TTBK1: variants seen among roughly 807,000 people sequenced by gnomAD.
TTBK1 encodes the protein tau tubulin kinase 1.
A neutral mutation model predicts 108.5 loss-of-function variants in TTBK1; 34 were observed. The observed-to-expected ratio is 0.31, with a 90% confidence interval of 0.24 to 0.42. The LOEUF (loss-of-function observed/expected upper bound fraction) is 0.42, where lower values mean the gene tolerates loss of function less well. Ranked by LOEUF, TTBK1 falls within the 10% of genes least tolerant of loss-of-function variation. The pLI, the probability that TTBK1 is intolerant of heterozygous loss-of-function variation, is 1.00. For synonymous variants in TTBK1, 809 were observed against 795.1 expected, an observed-to-expected ratio of 1.02 and a Z score of -0.29; for missense variants, 1,539 against 1,826.0, an observed-to-expected ratio of 0.84 and a Z score of 2.86.
chr6:43,255,748 C>T lies in TTBK1; in HGVS notation c.753C>T (p.Ile251=). 12 of 1,614,138 alleles carry T rather than the reference C, an allele frequency of 7.4e-6. No homozygotes were observed. Among genetic ancestry groups the T allele is most frequent in the Non-Finnish European group, 1.0e-5 (12 of 1,180,036 alleles). Residue 251 remains isoleucine, a synonymous_variant, in exon 9 of 15, where the codon ATC becomes ATT. Coordinates refer to ENST00000259750, the MANE Select transcript of TTBK1 (RefSeq NM_032538.3). ...KIKDKEQVGM[I]KEKYEHRMLL... ...GCCTCCAGGAACAGGTAGGGATGAT[C>T]AAGGAGAAGTATGAGCACCGGATGC... is the stretch of plus-strand genomic sequence containing the variant.
rs1293260821 is a variant in TTBK1 at position 43,243,990 on chromosome 6, T to C, written c.-55+282T>C. On this transcript the variant is annotated intron_variant, in intron 1 of 14. Coordinates refer to ENST00000259750, the MANE Select transcript of TTBK1 (RefSeq NM_032538.3). This position sits in a 1 kb window ranked among gnomAD's most constrained non-coding sequence, Gnocchi z 5.5. ...CTGTCCCCATGGCTTCACCCCTGGCTCTCCTGTCATCCCTGACGAATCATT... is the reference window on the plus strand; with the variant it reads ...CTGTCCCCATGGCTTCACCCCTGGCCCTCCTGTCATCCCTGACGAATCATT... Among the ~76,000 whole-genome samples, 1 of 152,024 alleles carries C rather than the reference T, an allele frequency of 6.6e-6. No homozygotes were observed. The highest frequency in any genetic ancestry group is 2.4e-5 in the African/African-American group (1 of 41,374).
intron 13 of TTBK1, chr6:43,272,652 C>T (rs732691): frequency 0.1 from 100,396 of 985,122 alleles, 5,389 homozygotes; most frequent in Non-Finnish European, 0.11. Context: ...ATTATCTTTT[C>T]GGGGTGGCTT....
At chr6:43,262,767 C>T (rs1340363018) in intron 12 of TTBK1, 22 bp from the exon 13 acceptor site, 1 of 1,523,604 alleles carries the variant, frequency 6.6e-7, no homozygotes, top group African/African-American at 1.4e-5. Context: ...GGTATTGAGC[C>T]CCGTGAGGGG....
In TTBK1 at chr6:43,259,813, G is replaced by A. The variant is rs1777490303; in HGVS notation, c.1424+107G>A. On this transcript the variant is annotated intron_variant, in intron 12 of 14. Coordinates refer to ENST00000259750, the MANE Select transcript of TTBK1 (RefSeq NM_032538.3). This position sits in a 1 kb window ranked among gnomAD's most constrained non-coding sequence, Gnocchi z 6.7. ...TGTGGCGGAGGTGGGCAGACCCTGG[G>A]AAGTGCTGAGAGGGTTATACTTGGG... The A allele has an allele frequency of 3.3e-6, 4 of 1,199,200 alleles. No individual in the cohort carries two copies. Among genetic ancestry groups the A allele is most frequent in the Non-Finnish European group, 4.6e-6 (4 of 874,724 alleles). 74.3% of individuals were successfully genotyped at this position (1,199,200 alleles called of 1,614,324 possible). A position where few individuals can be genotyped will look rare whatever the true frequency, so the allele number is the denominator to read the frequency against.
chr6:43,252,949 G>C, intron 3 of TTBK1, 63 bp downstream of exon 3: 1 of 1,581,058 alleles, frequency 6.3e-7, no homozygotes, highest in Non-Finnish European at 8.6e-7. Flanking sequence ...TAAGAGAGGT[G>C]ATAAGATCAG....
Position 43,257,868 on chromosome 6 carries a change from G to C in TTBK1, c.918G>C (p.Glu306Asp). Residue 306 changes from glutamate (E) to aspartate (D), a missense_variant, in exon 10 of 15, where the codon GAG (glutamate) becomes GAC (aspartate). Physicochemically the swap from Glu to Asp is conservative, Grantham distance 45. Coordinates refer to ENST00000259750, the MANE Select transcript of TTBK1 (RefSeq NM_032538.3). The surrounding 1 kb of genome is among the most constrained non-coding windows in gnomAD (Gnocchi z 4.5). ...AGGAGAGGGGCATTGCCGAGAATGA[G>C]GCCTTTGACTGGGAGAAGGCAGGCA... The part of the protein sequence containing the change: ...SMKERGIAEN[E>D]AFDWEKAGTD... The C allele has an allele frequency of 3.7e-6, 6 of 1,614,054 alleles. No individual in the cohort carries two copies. Among genetic ancestry groups the C allele is most frequent in the Non-Finnish European group, 5.1e-6 (6 of 1,180,016 alleles).
Position 43,269,910 on chromosome 6 carries a change from C to T in TTBK1, c.1986+6560C>T. 3 of 1,501,774 alleles carry T rather than the reference C, an allele frequency of 2.0e-6. No homozygotes were observed. Among genetic ancestry groups the T allele is most frequent in the Non-Finnish European group, 2.7e-6 (3 of 1,127,746 alleles). The allele number at this position is 1,501,774 out of a possible 1,614,324, so 93.0% of individuals were successfully genotyped here. ...CTCGGTGCTCCGCATCTCGCGGTCC[C>T]AGCTGCAGCAGGTGTGGGCCCGGTT... On this transcript the variant is annotated intron_variant, in intron 13 of 14. Coordinates refer to ENST00000259750, the MANE Select transcript of TTBK1 (RefSeq NM_032538.3). The surrounding 1 kb of genome is among the most constrained non-coding windows in gnomAD (Gnocchi z 4.8).
At position 43,255,728 on chromosome 6, in the gene TTBK1, C is replaced by T; in HGVS notation, c.736-3C>T. On this transcript the variant is annotated splice_polypyrimidine_tract_variant and splice_region_variant and intron_variant, in intron 8 of 14. Transcript: ENST00000259750. ...CCATCTCCCTGTGGCCTCTTGCCTC[C>T]AGGAACAGGTAGGGATGATCAAGGA... The T allele has an allele frequency of 3.1e-6, 5 of 1,614,126 alleles. No homozygotes were observed. Among genetic ancestry groups the T allele is most frequent in the Non-Finnish European group, 4.2e-6 (5 of 1,180,016 alleles).
At chr6:43,270,991 T>C (rs1477544862) in intron 13 of TTBK1, 27 of 985,474 alleles carry the variant, frequency 2.7e-5, no homozygotes, top group Non-Finnish European at 3.3e-5. Context: ...GATAGGGATC[T>C]GGACACTTGG....
chr6:43,260,219 G>T (rs1777501875), intron 12 of TTBK1, among the ~76,000 whole-genome samples: 2 of 152,224 alleles, frequency 1.3e-5, no homozygotes, highest in African/African-American at 4.8e-5. Context: ...GCATTGAGAA[G>T]CTAGGTGAGC....
chr6:43,285,413 C>T lies in TTBK1; in HGVS notation c.*37C>T, dbSNP rs968875569. 2 of 1,252,258 alleles carry T rather than the reference C, an allele frequency of 1.6e-6. No homozygotes were observed. Among genetic ancestry groups the T allele is most frequent in the Non-Finnish European group, 2.0e-6 (2 of 1,001,326 alleles). The allele number at this position is 1,252,258 out of a possible 1,614,324, so 77.6% of individuals were successfully genotyped here. A position where few individuals can be genotyped will look rare whatever the true frequency, so the allele number is the denominator to read the frequency against. On this transcript the variant is annotated 3_prime_UTR_variant, in exon 15 of 15. Transcript: ENST00000259750. The surrounding 1 kb of genome is among the most constrained non-coding windows in gnomAD (Gnocchi z 4.7). ...GCTCTCCGCGGTCCCCCACCCTCAC[C>T]CCGGCCCCCCACCCGCAGCCGGCCA...
At chr6:43,271,655 A>C in intron 13 of TTBK1, 1 of 985,384 alleles carries the variant, frequency 1.0e-6, no homozygotes, top group African/African-American at 1.7e-5. Context: ...CCTGGAGCCA[A>C]ACTGTCCACA....
chr6:43,263,149 C>A lies in TTBK1; in HGVS notation c.1785C>A (p.Pro595=). The change falls in exon 13 of 15, where the codon CCC becomes CCA. Residue 595 remains proline, a synonymous_variant. Transcript: ENST00000259750. This position sits in a 1 kb window ranked among gnomAD's most constrained non-coding sequence, Gnocchi z 4.7. ...TGGGGGCAGAGCCCACCGTCCGGCC[C>A]CGGGGACGCAGCATGCAGGCGCTGG... ...RRLGAEPTVR[P]RGRSMQALAE... The A allele has an allele frequency of 6.4e-7, 1 of 1,568,328 alleles. No homozygotes were observed. The highest frequency in any genetic ancestry group is 2.3e-5 in the East Asian group (1 of 43,012).
At position 43,268,864 on chromosome 6, in the gene TTBK1, T is replaced by C. The variant is rs75834236; in HGVS notation, c.1986+5514T>C. Among the ~76,000 whole-genome samples the C allele has an allele frequency of 4.4e-4, 67 of 152,334 alleles. 1 individual carries two copies. In the East Asian group the frequency reaches 0.012, roughly 27 times the overall value. On this transcript the variant is annotated intron_variant, in intron 13 of 14. Transcript: ENST00000259750. ...CCTTCCCTCATTTGGAAGAGTGATT[T>C]AAAATTAGATACTAAAATAGCTCAG... is the stretch of plus-strand genomic sequence containing the variant.
chr6:43,285,001 C>G lies in TTBK1; in HGVS notation c.3591C>G (p.Pro1197=). The change falls in exon 15 of 15, where the codon CCC becomes CCG. Residue 1197 remains proline (P), a synonymous_variant. Transcript: ENST00000259750. The surrounding 1 kb of genome is among the most constrained non-coding windows in gnomAD (Gnocchi z 4.7). ...CAAGCAGGCTCCAGCTGCAGACGCC[C>G]CCAGGGTCGGCCACTGCTGCTGACC... ...AITSRLQLQT[P]PGSATAADLR... is the part of the protein sequence containing the mutation. 6.6e-7 allele frequency: 1 copy of G among 1,517,788 alleles called. No individual in the cohort carries two copies. The highest frequency in any genetic ancestry group is 8.8e-7 in the Non-Finnish European group (1 of 1,138,384). The allele number at this position is 1,517,788 out of a possible 1,614,324, so 94.0% of individuals were successfully genotyped here.
In TTBK1 at chr6:43,255,617, G is replaced by A. The variant is rs896446179; in HGVS notation, c.708G>A (p.Gln236=). The change falls in exon 8 of 15, where the codon CAG becomes CAA. Residue 236 remains glutamine (Q), a synonymous_variant. Coordinates refer to ENST00000259750, the MANE Select transcript of TTBK1 (RefSeq NM_032538.3). ...TGCTGGTGGAGTTTGCAGTGGGCCA[G>A]CTGCCCTGGAGGAAGATCAAGGACA... The part of the protein sequence containing the change: ...FYMLVEFAVG[Q]LPWRKIKDKE... The A allele has an allele frequency of 6.2e-7, 1 of 1,613,976 alleles. No homozygotes were observed. The highest frequency in any genetic ancestry group is 1.3e-5 in the African/African-American group (1 of 74,916).
rs1777578165 is a variant in TTBK1 at position 43,262,860 on chromosome 6, T to C, written c.1496T>C (p.Val499Ala). The change falls in exon 13 of 15, where the codon GTG becomes GCG. Residue 499 changes from valine (V) to alanine (A), a missense_variant. Around this residue, in one of 5 missense-constraint regions of TTBK1, gnomAD observed 277 missense variants for 332.4 expected, o/e 0.83. Transcript: ENST00000259750. ...TCTCAGCCAGCCCAGATGCTGTCAG[T>C]GGACACAGGCCACGCTGACCGACAG... is the stretch of plus-strand genomic sequence containing the variant. Reference protein sequence around the residue: ...CSSQPAQMLSVDTGHADRQAS... With the variant: ...CSSQPAQMLSADTGHADRQAS... 2 of 1,611,192 alleles carry C rather than the reference T, an allele frequency of 1.2e-6. No individual in the cohort carries two copies. Among genetic ancestry groups the C allele is most frequent in the Non-Finnish European group, 1.7e-6 (2 of 1,178,544 alleles).
Position 43,259,713 on chromosome 6 carries a change from C to G in TTBK1, c.1424+7C>G. 6.4e-7 allele frequency: 1 copy of G among 1,569,736 alleles called. No homozygotes were observed. Among genetic ancestry groups the G allele is most frequent in the Non-Finnish European group, 8.6e-7 (1 of 1,158,900 alleles). On this transcript the variant is annotated splice_region_variant and intron_variant, in intron 12 of 14. Transcript: ENST00000259750. This position sits in a 1 kb window ranked among gnomAD's most constrained non-coding sequence, Gnocchi z 6.7. ...TGGAGCTACCTGAGAGGAGGTGGGTCTGGGGCCAGGGGCATGGTTGGGGCC... is the reference window on the plus strand; with the variant it reads ...TGGAGCTACCTGAGAGGAGGTGGGTGTGGGGCCAGGGGCATGGTTGGGGCC...
In TTBK1 at chr6:43,271,530, C is replaced by G. The variant is rs564213626; in HGVS notation, c.1986+8180C>G. 6.1e-6 allele frequency: 6 copies of G among 985,234 alleles called. No homozygotes were observed. In the African/African-American group the frequency reaches 1.0e-4, roughly 17 times the overall value. 61.0% of individuals were successfully genotyped at this position (985,234 alleles called of 1,614,324 possible). A position where few individuals can be genotyped will look rare whatever the true frequency, so the allele number is the denominator to read the frequency against. On this transcript the variant is annotated intron_variant, in intron 13 of 14. Coordinates refer to ENST00000259750, the MANE Select transcript of TTBK1 (RefSeq NM_032538.3). The stretch of plus-strand genomic sequence containing the variant: ...TCATCCCAGCTTCACTCTTCTACCC[C>G]TCTCTCCCTGTAACCTCTGCTTGGC...
Sources: allele counts gnomAD v4.1 joint callset (sites outside exome capture counted in the v4.1 genomes callset), GRCh38; gene constraint gnomAD v4.1.1; regional missense constraint gnomAD v4.1.1; non-coding constraint Gnocchi (gnomAD v3.1); transcripts MANE v1.5; gene names NCBI Gene and HGNC (gene_info 2026-07-23, HGNC 2026-07-21).